Variants in HTR2C observed in about 807,000 individuals in gnomAD.
The protein encoded by HTR2C is 5-hydroxytryptamine receptor 2C.
Under a neutral mutation model 21.0 loss-of-function variants are expected in HTR2C, and 5 were observed. The ratio of observed to expected loss-of-function variants is 0.24; its 90% CI spans 0.12 to 0.50. The LOEUF is 0.50. Among genes scored for constraint, HTR2C ranks in the 20% least tolerant of loss-of-function variants. The pLI, the probability that HTR2C is intolerant of heterozygous loss-of-function variation, is 0.98. For missense variants in HTR2C, 271 were observed against 371.2 expected, an observed-to-expected ratio of 0.73 and a Z score of 2.22; for synonymous variants, 150 against 145.3, an observed-to-expected ratio of 1.03 and a Z score of -0.23.
At chrX:114,765,379 G>C (rs1347537158) in intron 4 of HTR2C, among the ~76,000 whole-genome samples, 1 of 110,983 alleles carries the variant, frequency 9.0e-6, no homozygotes, top group East Asian at 2.8e-4. Context: ...CACTTACTCT[G>C]TCCATTTATC....
intron 2 of HTR2C, among the ~76,000 whole-genome samples, chrX:114,724,956 C>G (rs1172623648): frequency 9.1e-6 from 1 of 109,974 alleles, no homozygotes; most frequent in African/African-American, 3.3e-5. Flanking sequence ...ACATTTTTTC[C>G]TTCATTTCAA....
intron 5 of HTR2C, among the ~76,000 whole-genome samples, chrX:114,882,958 T>C (rs2071193258): frequency 9.1e-6 from 1 of 110,275 alleles, no homozygotes; most frequent in African/African-American, 3.3e-5. Context: ...TATCTTTAAA[T>C]TTTTATCACT....
chrX:114,898,916 T>C (rs1556484707), intron 5 of HTR2C, among the ~76,000 whole-genome samples: 1 of 112,390 alleles, frequency 8.9e-6, no homozygotes. Context: ...AAGTTTCTTC[T>C]AATTCTTTGA....
chrX:114,688,899 T>C (rs1556414671), intron 2 of HTR2C, among the ~76,000 whole-genome samples: 1 of 109,744 alleles, frequency 9.1e-6, no homozygotes, highest in African/African-American at 3.3e-5. Context: ...ATAAGTTCTT[T>C]ACTGGTGATT....
At chrX:114,904,890 C>CTT (rs35923049) in intron 5 of HTR2C, among the ~76,000 whole-genome samples, 1 of 100,281 alleles carries the variant, frequency 1.0e-5, no homozygotes, top group African/African-American at 3.6e-5. Context: ...TTCTTAACTG[C>CTT]TTTTTTTTTT....
At chrX:114,608,393 C>G (rs1209554675) in intron 1 of HTR2C, among the ~76,000 whole-genome samples, 8 of 110,653 alleles carry the variant, frequency 7.2e-5, no homozygotes, top group African/African-American at 2.6e-4. Flanking sequence ...AATCCTATAC[C>G]CATTTACAAT....
chrX:114,674,589 A>G (rs782108358), intron 2 of HTR2C, among the ~76,000 whole-genome samples: 2 of 111,664 alleles, frequency 1.8e-5, no homozygotes, highest in East Asian at 2.8e-4. Context: ...TATAATTATG[A>G]TACGTAATCA....
At chrX:114,901,111 T>C (rs1556485165) in intron 5 of HTR2C, among the ~76,000 whole-genome samples, 2 of 112,383 alleles carry the variant, frequency 1.8e-5, no homozygotes. Flanking sequence ...CCAACAATGA[T>C]TGTAAGACAC....
intron 5 of HTR2C, among the ~76,000 whole-genome samples, chrX:114,904,749 G>A (rs919490930): frequency 7.2e-5 from 8 of 110,727 alleles, no homozygotes; most frequent in East Asian, 2.8e-4. Context: ...AGACTAATCC[G>A]TCACTAAAAT....
chrX:114,712,578 T>C (rs192476893), intron 2 of HTR2C, among the ~76,000 whole-genome samples: 16 of 112,088 alleles, frequency 1.4e-4, no homozygotes, highest in Non-Finnish European at 2.4e-4. Flanking sequence ...TGAATAATCA[T>C]ATTGTTGTCC....
At chrX:114,895,888 C>T (rs1223067752) in intron 5 of HTR2C, among the ~76,000 whole-genome samples, 1 of 108,788 alleles carries the variant, frequency 9.2e-6, no homozygotes, top group Non-Finnish European at 1.9e-5. Flanking sequence ...CTTGGGATGC[C>T]GAGGCAGGGA....
intron 4 of HTR2C, among the ~76,000 whole-genome samples, chrX:114,742,586 A>G (rs1209149078): frequency 9.0e-6 from 1 of 111,316 alleles, no homozygotes; most frequent in Non-Finnish European, 1.9e-5. Context: ...TATAAAACTC[A>G]GAATATCCAG....
chrX:114,606,406 CG>C (rs1556396882), intron 1 of HTR2C, among the ~76,000 whole-genome samples: 1 of 111,697 alleles, frequency 9.0e-6, no homozygotes, highest in Non-Finnish European at 1.9e-5. Flanking sequence ...ACCCTTGAAA[CG>C]TGGGTGTATA....
intron 4 of HTR2C, among the ~76,000 whole-genome samples, chrX:114,773,407 T>C (rs1406550813): frequency 8.9e-6 from 1 of 112,330 alleles, no homozygotes; most frequent in Non-Finnish European, 1.9e-5. Flanking sequence ...AAATAGCGTA[T>C]TGTGATTTGG....
At chrX:114,656,896 G>GA (rs199990496) in intron 2 of HTR2C, among the ~76,000 whole-genome samples, 24 of 106,654 alleles carry the variant, frequency 2.3e-4, no homozygotes, top group Admixed American at 8.0e-4. Context: ...GGACATATGT[G>GA]AAAAAAAAAC....
rs1357008945 is a variant in HTR2C at position 114,584,536 on chromosome X, G to GCAGCGCAGCGCAGCT, written c.-262_-248dup. The GCAGCGCAGCGCAGCT allele has an allele frequency of 8.8e-6, 1 of 113,041 alleles. No individual in the cohort carries two copies. Among genetic ancestry groups the GCAGCGCAGCGCAGCT allele is most frequent in the East Asian group, 2.8e-4 (1 of 3,537 alleles). 9.3% of individuals were successfully genotyped at this position (113,041 alleles called of 1,213,427 possible). A position where few individuals can be genotyped will look rare whatever the true frequency, so the allele number is the denominator to read the frequency against. On this transcript the variant is annotated 5_prime_UTR_variant, in exon 1 of 6. Transcript: ENST00000276198. Reference sequence around the variant, plus strand: ...CCGCCGAGGCGCGAGGTTGCGGCGCGCAGCGCAGCGCAGCTCAGCGCACCG... The same window carrying GCAGCGCAGCGCAGCT: ...CCGCCGAGGCGCGAGGTTGCGGCGCGCAGCGCAGCGCAGCTCAGCGCAGCGCAGCTCAGCGCACCG...
intron 2 of HTR2C, among the ~76,000 whole-genome samples, chrX:114,619,879 A>G (rs930256175): frequency 8.9e-6 from 1 of 111,950 alleles, no homozygotes; most frequent in Non-Finnish European, 1.9e-5. Context: ...CAGGAACAGT[A>G]TTTGCTTTCG....
At chrX:114,706,552 G>A (rs1457817378) in intron 2 of HTR2C, among the ~76,000 whole-genome samples, 1 of 76,500 alleles carries the variant, frequency 1.3e-5, no homozygotes, top group African/African-American at 5.2e-5. Context: ...ACACTCTGGG[G>A]ACTGTGGTGG....
intron 4 of HTR2C, among the ~76,000 whole-genome samples, chrX:114,814,864 T>C (rs1028706788): frequency 9.9e-6 from 1 of 101,062 alleles, no homozygotes; most frequent in African/African-American, 3.5e-5. Context: ...CTCTATAGTA[T>C]ATATGATATA....
Sources: gnomAD v4.1 joint callset for allele counts (sites outside exome capture counted in the v4.1 genomes callset) on GRCh38, gnomAD v4.1.1 for gene constraint, MANE v1.5 for transcripts, NCBI Gene and HGNC (gene_info 2026-07-23, HGNC 2026-07-21) for gene names.